The following COMMD1 variants were observed in gnomAD, a reference collection of about 807,000 sequenced individuals.
COMMD1 encodes the protein COMM domain-containing protein 1.
A neutral mutation model predicts 17.2 loss-of-function variants in COMMD1; 10 were observed. The ratio of observed to expected loss-of-function variants is 0.58; its 90% CI spans 0.36 to 0.99. The LOEUF (loss-of-function observed/expected upper bound fraction) is 0.99, where lower values mean the gene tolerates loss of function less well. COMMD1 is among the 50% of genes least tolerant of loss of function. The pLI, the probability that COMMD1 is intolerant of heterozygous loss-of-function variation, is 0.01. For missense variants in COMMD1, 270 were observed against 231.8 expected (o/e 1.17, Z -1.07); for synonymous variants, 97 against 91.6 (o/e 1.06, Z -0.34).
chr2:61,903,754 C>T (rs538755991), upstream of COMMD1, among the ~76,000 whole-genome samples: 19 of 151,988 alleles, frequency 1.3e-4, no homozygotes, highest in Middle Eastern at 3.4e-3. Context: ...GTTGGCCAGG[C>T]TGGTCTCGAT....
chr2:61,924,871 G>A (rs969580025), intron 1 of COMMD1, among the ~76,000 whole-genome samples: 1 of 152,168 alleles, frequency 6.6e-6, no homozygotes, highest in Non-Finnish European at 1.5e-5. Context: ...TACAGGAGAG[G>A]GCGTCCCCTT....
intron 2 of COMMD1, among the ~76,000 whole-genome samples, chr2:62,095,833 T>C (rs541810507): frequency 8.3e-4 from 114 of 137,108 alleles, no homozygotes; most frequent in African/African-American, 2.9e-3. Flanking sequence ...CATATCAGGG[T>C]TATATATACA....
intron 1 of COMMD1, among the ~76,000 whole-genome samples, chr2:61,919,313 C>T (rs923460373): frequency 9.2e-5 from 14 of 151,998 alleles, no homozygotes; most frequent in African/African-American, 3.1e-4. Context: ...TGCCTGGGCT[C>T]GGCCTCTTTT....
intron 1 of COMMD1, among the ~76,000 whole-genome samples, chr2:61,967,686 C>T (rs556736553): frequency 2.6e-5 from 4 of 152,216 alleles, no homozygotes; most frequent in Admixed American, 6.6e-5. Flanking sequence ...ACAAATTCTG[C>T]GAGTATTCCA....
At chr2:62,123,538 A>AC in intron 2 of COMMD1, among the ~76,000 whole-genome samples, 3 of 144,644 alleles carry the variant, frequency 2.1e-5, no homozygotes, top group African/African-American at 8.5e-5. Flanking sequence ...AAAAAACAGG[A>AC]AGGAAGGAAG....
chr2:62,005,854 CA>C (rs1669097099), intron 2 of COMMD1, among the ~76,000 whole-genome samples: 1 of 151,234 alleles, frequency 6.6e-6, no homozygotes, highest in South Asian at 2.1e-4. Flanking sequence ...GGTATATACC[CA>C]AAGGACTATA....
At chr2:61,892,255 T>C (rs1669450516) in intron 1 of COMMD1, among the ~76,000 whole-genome samples, 1 of 152,026 alleles carries the variant, frequency 6.6e-6, no homozygotes, top group South Asian at 2.1e-4. Flanking sequence ...CAATACAATT[T>C]CCTTAATAAT....
chr2:61,916,825 C>G (rs1018596366), intron 1 of COMMD1, among the ~76,000 whole-genome samples: 1 of 152,142 alleles, frequency 6.6e-6, no homozygotes, highest in Non-Finnish European at 1.5e-5. Context: ...GTACCCAGCA[C>G]TCGAAGTTCT....
intron 1 of COMMD1, among the ~76,000 whole-genome samples, chr2:61,912,456 G>T (rs1486513333): frequency 6.6e-6 from 1 of 152,184 alleles, no homozygotes; most frequent in Non-Finnish European, 1.5e-5. Flanking sequence ...TTTATTTTAG[G>T]CCAGGTGCGG....
intron 2 of COMMD1, among the ~76,000 whole-genome samples, chr2:62,072,659 G>A (rs1025443329): frequency 5.3e-5 from 8 of 152,254 alleles, no homozygotes; most frequent in South Asian, 2.1e-4. Context: ...CAGACCACAG[G>A]AGTGAAGACT....
chr2:62,086,093 G>C (rs964298449), intron 2 of COMMD1, among the ~76,000 whole-genome samples: 9 of 151,668 alleles, frequency 5.9e-5, no homozygotes, highest in Non-Finnish European at 8.8e-5. Flanking sequence ...GAGGTGGGAG[G>C]AGCGCTTGAG....
At chr2:61,895,388 G>C (rs1025059322) in intron 1 of COMMD1, among the ~76,000 whole-genome samples, 25 of 152,284 alleles carry the variant, frequency 1.6e-4, no homozygotes, top group African/African-American at 5.5e-4. Flanking sequence ...CTCGTTGATC[G>C]AGGTTGCAGC....
At chr2:62,040,935 T>G (rs148240699) in intron 2 of COMMD1, among the ~76,000 whole-genome samples, 35 of 152,328 alleles carry the variant, frequency 2.3e-4, no homozygotes, top group Non-Finnish European at 2.2e-4. Context: ...GGTCTCAAAC[T>G]CCTGGCCTCA....
intron 1 of COMMD1, among the ~76,000 whole-genome samples, chr2:61,997,057 CT>C (rs776532911): frequency 0.035 from 4,978 of 141,616 alleles, 108 homozygotes; most frequent in African/African-American, 0.084. Flanking sequence ...GTATTTCTTT[CT>C]TTTTTTTTTT....
chr2:62,016,206 C>CTT (rs769583167), intron 2 of COMMD1, among the ~76,000 whole-genome samples: 73 of 112,248 alleles, frequency 6.5e-4, no homozygotes, highest in Non-Finnish European at 8.1e-4. Context: ...CTTTTCTTTT[C>CTT]TTTTTTTTTT....
At chr2:61,979,024 C>T (rs996962933) in intron 1 of COMMD1, among the ~76,000 whole-genome samples, 6 of 152,058 alleles carry the variant, frequency 3.9e-5, no homozygotes, top group African/African-American at 1.5e-4. Context: ...TGACTATAGC[C>T]ACCCTGTCAT....
intron 2 of COMMD1, among the ~76,000 whole-genome samples, chr2:62,029,940 C>T (rs1439877131): frequency 6.6e-6 from 1 of 152,220 alleles, no homozygotes; most frequent in Non-Finnish European, 1.5e-5. Flanking sequence ...CGTGTATACA[C>T]GAGAGCCTTC....
chr2:62,066,230 C>T (rs960614265), intron 2 of COMMD1, among the ~76,000 whole-genome samples: 1 of 152,102 alleles, frequency 6.6e-6, no homozygotes, highest in African/African-American at 2.4e-5. Flanking sequence ...CTCCCTACCC[C>T]ACTTTTTTTT....
intron 1 of COMMD1, among the ~76,000 whole-genome samples, chr2:61,896,406 T>C (rs918347844): frequency 1.3e-5 from 2 of 151,712 alleles, no homozygotes; most frequent in Non-Finnish European, 2.9e-5. Context: ...GGCAACATAG[T>C]GAGATCCTGT....
Sources: allele counts gnomAD v4.1 joint callset (sites outside exome capture counted in the v4.1 genomes callset), GRCh38; gene constraint gnomAD v4.1.1; transcripts MANE v1.5; gene names NCBI Gene and HGNC (gene_info 2026-07-23, HGNC 2026-07-21).